Variants in TANGO6 observed in about 807,000 individuals in gnomAD.
The protein encoded by TANGO6 is transport and golgi organization 6 homolog.
A neutral mutation model predicts 114.2 loss-of-function variants in TANGO6; 90 were observed. The ratio of observed to expected loss-of-function variants is 0.79; its 90% CI spans 0.66 to 0.94. The LOEUF (loss-of-function observed/expected upper bound fraction) is 0.94. Ranked by LOEUF, TANGO6 falls within the 40% of genes least tolerant of loss-of-function variation. The probability of loss-of-function intolerance (pLI) is 0.00; values close to 1 mark genes in which losing one functional copy is unlikely to be tolerated. For missense variants in TANGO6, 1,274 were observed against 1,315.3 expected (o/e 0.97, Z 0.49); for synonymous variants, 477 against 509.8 (o/e 0.94, Z 0.87).
rs1367466549 is a variant in TANGO6 at position 69,084,516 on chromosome 16, A to C, written c.*855A>C. On this transcript the variant is annotated 3_prime_UTR_variant, in exon 18 of 18. Transcript: ENST00000261778. ...TCACACTGAATGCAGGCTGGAAAGA[A>C]TGCATGCTGGTGGCCTAATGCCAGG... 6.6e-6 allele frequency: 1 copy of C among 152,372 alleles called. No individual in the cohort carries two copies. Among genetic ancestry groups the C allele is most frequent in the Non-Finnish European group, 1.5e-5 (1 of 68,048 alleles). The allele number at this position is 152,372 out of a possible 1,614,324, so 9.4% of individuals were successfully genotyped here.
At chr16:68,907,087 A>G (rs932252865) in intron 9 of TANGO6, among the ~76,000 whole-genome samples, 1 of 140,638 alleles carries the variant, frequency 7.1e-6, no homozygotes, top group Non-Finnish European at 1.5e-5. Flanking sequence ...GAGCCACCTC[A>G]CCCAGACCTT....
chr16:69,038,107 T>C (rs2152233581), intron 16 of TANGO6, among the ~76,000 whole-genome samples: 1 of 152,224 alleles, frequency 6.6e-6, no homozygotes, highest in Non-Finnish European at 1.5e-5. Context: ...GGCCAAGAAA[T>C]ATATTCACAC....
intron 17 of TANGO6, among the ~76,000 whole-genome samples, chr16:69,082,475 G>A (rs1200005424): frequency 6.6e-6 from 1 of 152,006 alleles, no homozygotes; most frequent in Non-Finnish European, 1.5e-5. Context: ...GGCCAGGCGG[G>A]GTGGCTCATG....
At chr16:68,858,604 C>T (rs567030069) in intron 1 of TANGO6, among the ~76,000 whole-genome samples, 1 of 152,242 alleles carries the variant, frequency 6.6e-6, no homozygotes, top group African/African-American at 2.4e-5. Flanking sequence ...CCTCAGCCCC[C>T]TGAGTAGCTG....
chr16:69,000,835 G>A (rs1597053474), intron 15 of TANGO6, among the ~76,000 whole-genome samples: 1 of 152,084 alleles, frequency 6.6e-6, no homozygotes, highest in South Asian at 2.1e-4. Context: ...CAAGTGATCT[G>A]CCCACCTTGG....
chr16:68,936,408 C>G (rs540009402), intron 14 of TANGO6, among the ~76,000 whole-genome samples: 188 of 152,218 alleles, frequency 1.2e-3, no homozygotes, highest in Non-Finnish European at 2.0e-3. Flanking sequence ...GCTTGGCTCA[C>G]TGCAACTTCC....
intron 17 of TANGO6, among the ~76,000 whole-genome samples, chr16:69,064,120 GCCACCAC>G (rs1555530200): frequency 1.3e-5 from 2 of 152,116 alleles, no homozygotes; most frequent in Non-Finnish European, 2.9e-5. Flanking sequence ...ACAGGCATAA[GCCACCAC>G]GCCCAGCTCT....
chr16:68,949,728 G>GC (rs1372830971), intron 14 of TANGO6, among the ~76,000 whole-genome samples: 13 of 151,946 alleles, frequency 8.6e-5, no homozygotes, highest in African/African-American at 3.1e-4. Flanking sequence ...AAATAGTCTG[G>GC]CCATTTTCAA....
chr16:68,939,199 G>T (rs1489389451), intron 14 of TANGO6, among the ~76,000 whole-genome samples: 1 of 151,332 alleles, frequency 6.6e-6, no homozygotes, highest in East Asian at 1.9e-4. Context: ...AAGAGCCCAA[G>T]ACTAAGGGCA....
intron 1 of TANGO6, among the ~76,000 whole-genome samples, chr16:68,851,352 G>A (rs991797654): frequency 3.3e-5 from 5 of 152,028 alleles, no homozygotes; most frequent in South Asian, 2.1e-4. Context: ...TAGAGACAGG[G>A]TTTCACCATG....
rs34844519 is a variant in TANGO6, at chr16:69,076,088, C to CTTTT, written c.3109-7379_3109-7376dup. Among the ~76,000 whole-genome samples the CTTTT allele has an allele frequency of 2.7e-3, 228 of 85,660 alleles. 11 individuals carry two copies. The highest frequency in any genetic ancestry group is 6.1e-3 in the South Asian group (14 of 2,290). The allele number at this position is 85,660 out of a possible 152,430, so 56.2% of individuals were successfully genotyped here. On this transcript the variant is annotated intron_variant, in intron 17 of 17. Transcript: ENST00000261778. ...TGAATTCAACATTTTTATTTCATTT[C>CTTTT]TTTTTTTTTTTTTTTTTTTTTGAGA...
chr16:69,013,897 A>G (rs1030949362), intron 15 of TANGO6, among the ~76,000 whole-genome samples: 3 of 152,072 alleles, frequency 2.0e-5, no homozygotes, highest in African/African-American at 7.2e-5. Context: ...AGCTCAGGCA[A>G]TCTGCCTGCC....
chr16:68,887,781 A>G (rs566855583), intron 7 of TANGO6, among the ~76,000 whole-genome samples: 2 of 152,228 alleles, frequency 1.3e-5, no homozygotes, highest in South Asian at 2.1e-4. Context: ...TGGGAGGCTG[A>G]GGCAGGAGAA....
intron 17 of TANGO6, among the ~76,000 whole-genome samples, chr16:69,070,644 A>C (rs1198543095): frequency 6.7e-6 from 1 of 150,186 alleles, no homozygotes; most frequent in African/African-American, 2.4e-5. Flanking sequence ...AAAAAAAAAA[A>C]AACAAAAAAA....
intron 13 of TANGO6, among the ~76,000 whole-genome samples, chr16:68,929,036 A>G (rs1296502814): frequency 1.3e-5 from 2 of 152,072 alleles, no homozygotes; most frequent in Admixed American, 1.3e-4. Flanking sequence ...CTTCTGCCTC[A>G]GCCTCCCAAG....
At chr16:68,942,322 C>CA (rs879807618) in intron 14 of TANGO6, among the ~76,000 whole-genome samples, 112 of 133,838 alleles carry the variant, frequency 8.4e-4, no homozygotes, top group East Asian at 4.1e-3. Flanking sequence ...AACTCCATCT[C>CA]AAAAAAAAAA....
intron 1 of TANGO6, among the ~76,000 whole-genome samples, chr16:68,854,539 A>G (rs187315608): frequency 6.8e-4 from 104 of 152,248 alleles, no homozygotes; most frequent in Middle Eastern, 6.8e-3. Flanking sequence ...GTTTTCTTCC[A>G]GAAGTTTTAT....
At position 68,867,227 on chromosome 16, in the gene TANGO6, A is replaced by C; in HGVS notation, c.994+7A>C. On this transcript the variant is annotated splice_region_variant and intron_variant, in intron 4 of 17. Transcript: ENST00000261778. ...ATTTTGGAAGGAGCAGGTGGTAAGA[A>C]ATAAAATGTTGCTGTGACTTTGGTA... The C allele has an allele frequency of 6.2e-7, 1 of 1,613,640 alleles. No individual in the cohort carries two copies. Among genetic ancestry groups the C allele is most frequent in the Non-Finnish European group, 8.5e-7 (1 of 1,179,810 alleles).
chr16:69,072,066 TGTAGAGAGAGGGAGACC>T lies in TANGO6; in HGVS notation c.3109-11416_3109-11400del, dbSNP rs1235215447. ...GTGTGTGTGTGTGTGTGTGTGTGTGTGTAGAGAGAGGGAGACCGTGTGTGTGTGTGTGTATGTGTGAA... is the reference window on the plus strand; with the variant it reads ...GTGTGTGTGTGTGTGTGTGTGTGTGTGTGTGTGTGTGTGTGTATGTGTGAA... On this transcript the variant is annotated intron_variant, in intron 17 of 17. Coordinates refer to ENST00000261778, the MANE Select transcript of TANGO6 (RefSeq NM_024562.2). Among the ~76,000 whole-genome samples the T allele has an allele frequency of 2.9e-4, 38 of 133,090 alleles. 2 individuals carry two copies. Among genetic ancestry groups the T allele is most frequent in the African/African-American group, 1.1e-3 (36 of 32,694 alleles). 87.3% of individuals were successfully genotyped at this position (133,090 alleles called of 152,430 possible). A position where few individuals can be genotyped will look rare whatever the true frequency, so the allele number is the denominator to read the frequency against.
Sources: allele counts gnomAD v4.1 joint callset (sites outside exome capture counted in the v4.1 genomes callset), GRCh38; gene constraint gnomAD v4.1.1; transcripts MANE v1.5; gene names NCBI Gene and HGNC (gene_info 2026-07-23, HGNC 2026-07-21).